The following DOP1B variants were observed in gnomAD, a reference collection of about 807,000 sequenced individuals.
The protein encoded by DOP1B is DOP1 leucine zipper like protein B.
DOP1B carries 174 observed loss-of-function variants against 233.5 expected under a neutral mutation model. The ratio of observed to expected loss-of-function variants is 0.75; its 90% CI spans 0.66 to 0.85. The LOEUF (loss-of-function observed/expected upper bound fraction) is 0.85, where lower values mean the gene tolerates loss of function less well. DOP1B is among the 40% of genes least tolerant of loss of function. The pLI, the probability that DOP1B is intolerant of heterozygous loss-of-function variation, is 0.00. For missense variants in DOP1B, 2,652 were observed against 2,846.6 expected, an observed-to-expected ratio of 0.93 and a Z score of 1.56; for synonymous variants, 1,190 against 1,185.6, an observed-to-expected ratio of 1.00 and a Z score of -0.08.
intron 23 of DOP1B, 137 bp from the exon 24 acceptor site, chr21:36,260,540 C>A: frequency 1.7e-6 from 2 of 1,150,034 alleles, no homozygotes; most frequent in Non-Finnish European, 2.5e-6. Context: ...ACTATCATGT[C>A]TGTTGTTATA....
chr21:36,199,771 C>T (rs931569680), intron 3 of DOP1B, among the ~76,000 whole-genome samples: 4 of 152,152 alleles, frequency 2.6e-5, no homozygotes, highest in Admixed American at 6.6e-5. Flanking sequence ...TGAACTCATC[C>T]TTTTTTATGG....
chr21:36,271,842 A>G (rs2067292834), intron 27 of DOP1B, among the ~76,000 whole-genome samples: 1 of 150,516 alleles, frequency 6.6e-6, no homozygotes, highest in Admixed American at 6.6e-5. Flanking sequence ...AAGAGAATTT[A>G]GCAAATCAAG....
At chr21:36,171,614 A>G (rs2065972373) in intron 2 of DOP1B, among the ~76,000 whole-genome samples, 1 of 152,196 alleles carries the variant, frequency 6.6e-6, no homozygotes, top group Non-Finnish European at 1.5e-5. Flanking sequence ...CTACAAGCCA[A>G]GAAGTGCCAA....
At position 36,281,514 on chromosome 21, in the gene DOP1B, A is replaced by G. The variant is rs1340272849; in HGVS notation, c.6063A>G (p.Ser2021=). 1 of 1,607,002 alleles carries G rather than the reference A, an allele frequency of 6.2e-7. No individual in the cohort carries two copies. The highest frequency in any genetic ancestry group is 8.5e-7 in the Non-Finnish European group (1 of 1,174,218). Residue 2021 remains serine, a synonymous_variant, in exon 32 of 37, where the codon TCA becomes TCG. Coordinates refer to ENST00000691173, the MANE Select transcript of DOP1B (RefSeq NM_001320714.2). ...AGAGCAGTTCTTTGAAACTATTCTC[A>G]AGTTTTGAACAGAAAGCCATGCTGT... ...NMQSSSLKLF[S]SFEQKAMLLK... is the part of the protein sequence containing the mutation.
chr21:36,245,842 G>T lies in DOP1B; in HGVS notation c.3862G>T (p.Ala1288Ser). The change falls in exon 19 of 37, where the codon GCC becomes TCC. Residue 1288 changes from alanine to serine, a missense_variant. Ala to Ser is a moderately conservative substitution (Grantham distance 99). Transcript: ENST00000691173. This position sits in a 1 kb window ranked among gnomAD's most constrained non-coding sequence, Gnocchi z 5.5. ...ISNLLARHQE[A>S]LIGQSFYGKL... ...CAACCTCCTCGCTCGCCACCAGGAG[G>T]CCCTCATTGGCCAGAGTTTCTACGG... 1 of 1,613,790 alleles carries T rather than the reference G, an allele frequency of 6.2e-7. No individual in the cohort carries two copies. Among genetic ancestry groups the T allele is most frequent in the Middle Eastern group, 1.7e-4 (1 of 6,060 alleles).
rs543435373 is a variant in DOP1B at position 36,213,966 on chromosome 21, G to A, written c.905-115G>A. 36 of 904,226 alleles carry A rather than the reference G, an allele frequency of 4.0e-5. No individual in the cohort carries two copies. In the African/African-American group the frequency reaches 5.0e-4, roughly 13 times the overall value. The allele number at this position is 904,226 out of a possible 1,614,324, so 56.0% of individuals were successfully genotyped here. ...CGTGGTCTTTCTGGATCTGATTTTG[G>A]TTTTCCATCAGAAGAATGATATTTT... On this transcript the variant is annotated intron_variant, in intron 7 of 36. Coordinates refer to ENST00000691173, the MANE Select transcript of DOP1B (RefSeq NM_001320714.2).
chr21:36,173,915 G>GT (rs1601381519), intron 2 of DOP1B, among the ~76,000 whole-genome samples: 1 of 150,292 alleles, frequency 6.7e-6, no homozygotes, highest in Non-Finnish European at 1.5e-5. Flanking sequence ...AGTTTTTTTT[G>GT]TTTTTTGTTT....
chr21:36,270,931 GAA>G (rs2067281393), intron 27 of DOP1B, among the ~76,000 whole-genome samples: 1 of 146,392 alleles, frequency 6.8e-6, no homozygotes, highest in Admixed American at 6.8e-5. Flanking sequence ...AAAAAAGAAA[GAA>G]AGAAAGTACC....
At chr21:36,170,929 C>G (rs1315982789) in intron 2 of DOP1B, among the ~76,000 whole-genome samples, 1 of 152,136 alleles carries the variant, frequency 6.6e-6, no homozygotes, top group Non-Finnish European at 1.5e-5. Flanking sequence ...AAGCAGCCAC[C>G]TTGAAGAATT....
chr21:36,170,206 G>A (rs2065959809), intron 2 of DOP1B: 5 of 426,360 alleles, frequency 1.2e-5, no homozygotes, highest in African/African-American at 2.1e-5. Flanking sequence ...CACCGGTAGA[G>A]CTCTCCCTGT....
chr21:36,227,330 A>G lies in DOP1B; in HGVS notation c.1474-356A>G, dbSNP rs570833237. On this transcript the variant is annotated intron_variant, in intron 12 of 36. Transcript: ENST00000691173. ...TGGGAGGCCAAGGTGGATGGATCAC[A>G]AAGTCAGGAGATCGAGACCATCCTG... Among the ~76,000 whole-genome samples, 660 of 152,028 alleles carry G rather than the reference A, an allele frequency of 4.3e-3. 1 individual carries two copies. The highest frequency in any genetic ancestry group is 0.012 in the African/African-American group (501 of 41,488).
chr21:36,204,858 T>G (rs61251654), intron 4 of DOP1B, among the ~76,000 whole-genome samples: 5,319 of 152,172 alleles, frequency 0.035, 338 homozygotes, highest in African/African-American at 0.12. Context: ...TTTCACCATG[T>G]TGGCCAGGCT....
At chr21:36,250,187 G>A (rs184187581) in intron 21 of DOP1B, among the ~76,000 whole-genome samples, 216 of 152,302 alleles carry the variant, frequency 1.4e-3, no homozygotes, top group Non-Finnish European at 2.2e-3. Flanking sequence ...TAGAGCAGAA[G>A]CCATGGTGGA....
At chr21:36,161,226 A>ACCTCCGCCT (rs1241163754) in intron 1 of DOP1B, among the ~76,000 whole-genome samples, 1 of 151,560 alleles carries the variant, frequency 6.6e-6, no homozygotes, top group Admixed American at 6.6e-5. Context: ...GCCCACTGCA[A>ACCTCCGCCT]CCTCCGCCTC....
intron 27 of DOP1B, 124 bp from the exon 28 acceptor site, chr21:36,276,897 C>A: frequency 6.3e-6 from 5 of 788,208 alleles, no homozygotes; most frequent in South Asian, 3.4e-5. Flanking sequence ...ATACCTGAGT[C>A]ATATGGACAC....
intron 2 of DOP1B, among the ~76,000 whole-genome samples, chr21:36,189,772 A>G (rs1263556880): frequency 6.6e-6 from 1 of 151,904 alleles, no homozygotes; most frequent in Non-Finnish European, 1.5e-5. Flanking sequence ...GCACTTTGGG[A>G]GGCTGAGACA....
chr21:36,283,936 CTTT>C (rs547999186), intron 32 of DOP1B, among the ~76,000 whole-genome samples: 7 of 100,988 alleles, frequency 6.9e-5, no homozygotes, highest in African/African-American at 2.4e-4. Flanking sequence ...ACACCTGTTC[CTTT>C]TTTTTTTTTT....
chr21:36,246,027 C>G lies in DOP1B; in HGVS notation c.4047C>G (p.Val1349=), dbSNP rs773664559. ...ACCGGGACGTGCAGGTCAAAAGTGT[C>G]GAGGTTTTGATCAGGATAATGATGC... ...LGNRDVQVKS[V]EVLIRIMMQL... Residue 1349 remains valine (V), a synonymous_variant, in exon 19 of 37, where the codon GTC becomes GTG. Coordinates refer to ENST00000691173, the MANE Select transcript of DOP1B (RefSeq NM_001320714.2). The surrounding 1 kb of genome is among the most constrained non-coding windows in gnomAD (Gnocchi z 5.1). 1.2e-6 allele frequency: 2 copies of G among 1,613,884 alleles called. No individual in the cohort carries two copies. The highest frequency in any genetic ancestry group is 1.7e-6 in the Non-Finnish European group (2 of 1,180,010).
intron 7 of DOP1B, among the ~76,000 whole-genome samples, chr21:36,213,173 G>A (rs114878376): frequency 0.024 from 3,582 of 152,274 alleles, 100 homozygotes; most frequent in African/African-American, 0.078. Context: ...GAAAGTCATT[G>A]CATGGAAGCT....
Sources: gnomAD v4.1 joint callset for allele counts (sites outside exome capture counted in the v4.1 genomes callset) on GRCh38, gnomAD v4.1.1 for gene constraint, Gnocchi (gnomAD v3.1) non-coding constraint, MANE v1.5 for transcripts, NCBI Gene and HGNC (gene_info 2026-07-23, HGNC 2026-07-21) for gene names.